The following TPRG1 variants were observed in gnomAD, a reference collection of about 807,000 sequenced individuals.
The protein encoded by TPRG1 is tumor protein p63 regulated 1.
A neutral mutation model predicts 29.3 loss-of-function variants in TPRG1; 29 were observed. The observed-to-expected ratio is 0.99, with a 90% confidence interval of 0.74 to 1.35. The LOEUF is 1.35. Ranked by LOEUF, TPRG1 falls within the 40% of genes most tolerant of loss-of-function variation. The probability of loss-of-function intolerance (pLI) is 0.00; values close to 1 mark genes in which losing one functional copy is unlikely to be tolerated. For synonymous variants in TPRG1, 130 were observed against 116.8 expected (o/e 1.11, Z -0.73); for missense variants, 327 against 335.0 (o/e 0.98, Z 0.19).
intron 4 of TPRG1, among the ~76,000 whole-genome samples, chr3:189,278,800 G>A (rs1716605500): frequency 6.6e-6 from 1 of 152,134 alleles, no homozygotes; most frequent in African/African-American, 2.4e-5. Context: ...TTGAAACCAG[G>A]TCTGCCTGTG....
intron 3 of TPRG1, among the ~76,000 whole-genome samples, chr3:189,230,247 G>T (rs1375369995): frequency 6.6e-6 from 1 of 152,056 alleles, no homozygotes; most frequent in Admixed American, 6.5e-5. Flanking sequence ...AAAATTGCCT[G>T]GTCCTGTAAG....
intron 4 of TPRG1, among the ~76,000 whole-genome samples, chr3:189,263,902 A>G (rs1713577795): frequency 6.6e-6 from 1 of 152,168 alleles, no homozygotes; most frequent in Non-Finnish European, 1.5e-5. Flanking sequence ...CAGCAGGGTT[A>G]TTGGGAGGTA....
intron 1 of TPRG1, among the ~76,000 whole-genome samples, chr3:189,000,379 T>C (rs1379286991): frequency 6.6e-6 from 1 of 152,150 alleles, no homozygotes; most frequent in Non-Finnish European, 1.5e-5. Context: ...ATTTATACCA[T>C]AGATATTATG....
chr3:189,297,865 G>A (rs898088123), intron 4 of TPRG1, among the ~76,000 whole-genome samples: 2 of 152,106 alleles, frequency 1.3e-5, no homozygotes, highest in Non-Finnish European at 2.9e-5. Context: ...ACATGGGGCT[G>A]GTTGTTCTCA....
intron 5 of TPRG1, among the ~76,000 whole-genome samples, chr3:189,159,857 TGTGTGTGTGTG>T (rs1281780035): frequency 3.6e-4 from 51 of 140,826 alleles, no homozygotes; most frequent in Non-Finnish European, 6.1e-4. Context: ...TGTGTGTGTG[TGTGTGTGTGTG>T]GTGGTGGGGG....
At chr3:189,166,045 C>T (rs1560506219) in intron 5 of TPRG1, among the ~76,000 whole-genome samples, 1 of 152,184 alleles carries the variant, frequency 6.6e-6, no homozygotes, top group South Asian at 2.1e-4. Flanking sequence ...AGTAGAGTCC[C>T]CAACAACATA....
At position 189,321,538 on chromosome 3, in the gene TPRG1, A is replaced by G. The variant is rs1022665244; in HGVS notation, c.*718A>G. On this transcript the variant is annotated 3_prime_UTR_variant, in exon 6 of 6. Transcript: ENST00000345063. ...AAACTTGAAGCTCATTCTCTTATCA[A>G]AATTGTTCATGTATTCCTCCTTTCC... The G allele has an allele frequency of 2.0e-5, 3 of 152,006 alleles. No homozygotes were observed. Among genetic ancestry groups the G allele is most frequent in the African/African-American group, 7.2e-5 (3 of 41,392 alleles). The allele number at this position is 152,006 out of a possible 1,614,324, so 9.4% of individuals were successfully genotyped here.
chr3:189,255,214 C>G (rs191940375), intron 4 of TPRG1, among the ~76,000 whole-genome samples: 29 of 152,128 alleles, frequency 1.9e-4, no homozygotes, highest in African/African-American at 6.7e-4. Context: ...CCTAGTTTAT[C>G]GAGTGTTTTT....
At chr3:189,206,848 C>CGT (rs1436970579) in intron 1 of TPRG1, among the ~76,000 whole-genome samples, 2 of 125,642 alleles carry the variant, frequency 1.6e-5, no homozygotes, top group East Asian at 4.2e-4. Flanking sequence ...TATGCATGTG[C>CGT]GTGTGTGTGA....
chr3:189,260,583 C>A (rs958145298), intron 4 of TPRG1, among the ~76,000 whole-genome samples: 2 of 152,170 alleles, frequency 1.3e-5, no homozygotes, highest in Non-Finnish European at 2.9e-5. Context: ...GATATGCCAA[C>A]AAAAGCTAAG....
intron 2 of TPRG1, among the ~76,000 whole-genome samples, chr3:189,131,160 AT>A (rs1339249576): frequency 6.6e-6 from 1 of 152,204 alleles, no homozygotes; most frequent in Admixed American, 6.5e-5. Context: ...AGCAGCGATT[AT>A]GTAGTAATTT....
intron 5 of TPRG1, among the ~76,000 whole-genome samples, chr3:189,151,761 G>T (rs1725967623): frequency 6.6e-6 from 1 of 152,030 alleles, no homozygotes; most frequent in African/African-American, 2.4e-5. Flanking sequence ...TGCCCCTGTA[G>T]TCCCAGCTAT....
intron 3 of TPRG1, among the ~76,000 whole-genome samples, chr3:189,234,289 T>C (rs1739113094): frequency 6.6e-6 from 1 of 152,200 alleles, no homozygotes; most frequent in African/African-American, 2.4e-5. Flanking sequence ...GGATGGGTAA[T>C]TTATTTAAAA....
At chr3:189,146,871 A>G (rs1006908726) in intron 3 of TPRG1, among the ~76,000 whole-genome samples, 1 of 152,228 alleles carries the variant, frequency 6.6e-6, no homozygotes, top group African/African-American at 2.4e-5. Context: ...AATCATTTCT[A>G]GAGAGTTGTG....
At chr3:189,050,411 C>T (rs971342287) in intron 4 of TPRG1, among the ~76,000 whole-genome samples, 10 of 152,052 alleles carry the variant, frequency 6.6e-5, no homozygotes, top group Admixed American at 1.3e-4. Context: ...CTGAACAGAC[C>T]GATAACAAGC....
chr3:189,243,706 A>G (rs1395920991), intron 4 of TPRG1, among the ~76,000 whole-genome samples: 1 of 152,210 alleles, frequency 6.6e-6, no homozygotes, highest in Non-Finnish European at 1.5e-5. Context: ...TGATGCTTAG[A>G]AATTTCTTCC....
intron 4 of TPRG1, among the ~76,000 whole-genome samples, chr3:189,030,139 G>A (rs1713857825): frequency 6.6e-6 from 1 of 152,116 alleles, no homozygotes. Context: ...CTTGTGACTT[G>A]AAAAGGAGTC....
At chr3:189,103,793 T>G (rs1719489170) in intron 1 of TPRG1, among the ~76,000 whole-genome samples, 2 of 152,154 alleles carry the variant, frequency 1.3e-5, no homozygotes, top group Non-Finnish European at 2.9e-5. Flanking sequence ...GCCTCTGTCT[T>G]GTGTCTCTGC....
At chr3:189,047,275 T>C (rs1715037587) in intron 4 of TPRG1, among the ~76,000 whole-genome samples, 1 of 152,188 alleles carries the variant, frequency 6.6e-6, no homozygotes, top group African/African-American at 2.4e-5. Flanking sequence ...AATTTTTTGG[T>C]TTTCCAGTGC....
Sources: gnomAD v4.1 joint callset for allele counts (sites outside exome capture counted in the v4.1 genomes callset) on GRCh38, gnomAD v4.1.1 for gene constraint, MANE v1.5 for transcripts, NCBI Gene and HGNC (gene_info 2026-07-23, HGNC 2026-07-21) for gene names.